The following PHF14 variants were observed in gnomAD, a reference collection of about 807,000 sequenced individuals.
PHF14 encodes PHD finger protein 14.
Under a neutral mutation model 117.9 loss-of-function variants are expected in PHF14, and 55 were observed. That is an observed-to-expected ratio of 0.47 (90% CI 0.38 to 0.58). PHF14 has a LOEUF of 0.58. PHF14 is among the 20% of genes least tolerant of loss of function. The probability of loss-of-function intolerance (pLI) is 0.00; values close to 1 mark genes in which losing one functional copy is unlikely to be tolerated. For synonymous variants in PHF14, 409 were observed against 368.6 expected (o/e 1.11, Z -1.26); for missense variants, 978 against 1,122.2 (o/e 0.87, Z 1.84).
Position 11,111,464 on chromosome 7 carries a change from C to T in PHF14, c.2769C>T (p.Ser923=). Residue 923 remains serine (S), a synonymous_variant, in exon 17 of 18, where the codon TCC becomes TCT. Transcript: ENST00000634607. ...GTCAGGAATGTGATTCTTCATCTTC[C>T]AAGGTAAGGGGAGAAGTCTATAAGA... The part of the protein sequence containing the change: ...WICQECDSSS[S]KEDENEAERK... 1 of 1,493,434 alleles carries T rather than the reference C, an allele frequency of 6.7e-7. No individual in the cohort carries two copies. Among genetic ancestry groups the T allele is most frequent in the Non-Finnish European group, 9.3e-7 (1 of 1,075,176 alleles). The allele number at this position is 1,493,434 out of a possible 1,614,324, so 92.5% of individuals were successfully genotyped here. A position where few individuals can be genotyped will look rare whatever the true frequency, so the allele number is the denominator to read the frequency against.
At chr7:10,976,040 C>T (rs2128306644) in intron 2 of PHF14, among the ~76,000 whole-genome samples, 1 of 152,296 alleles carries the variant, frequency 6.6e-6, no homozygotes, top group East Asian at 1.9e-4. Context: ...TACCATTTTA[C>T]AGGTAACAGG....
intron 17 of PHF14, among the ~76,000 whole-genome samples, chr7:11,136,297 G>A (rs1788218995): frequency 6.6e-6 from 1 of 152,040 alleles, no homozygotes; most frequent in Non-Finnish European, 1.5e-5. Context: ...TTTTCAAGAT[G>A]CAAACTGAAG....
chr7:11,099,071 T>C (rs1174304392), intron 16 of PHF14, among the ~76,000 whole-genome samples: 1 of 152,154 alleles, frequency 6.6e-6, no homozygotes, highest in Non-Finnish European at 1.5e-5. Flanking sequence ...ATATTCATAT[T>C]TGGATAATGA....
At chr7:11,086,813 T>C (rs987423286) in intron 16 of PHF14, among the ~76,000 whole-genome samples, 1 of 152,210 alleles carries the variant, frequency 6.6e-6, no homozygotes, top group Non-Finnish European at 1.5e-5. Flanking sequence ...GTAATTTAAT[T>C]CATTGTTTTC....
At chr7:11,024,132 G>T (rs1783829746) in intron 6 of PHF14, among the ~76,000 whole-genome samples, 1 of 152,072 alleles carries the variant, frequency 6.6e-6, no homozygotes, top group South Asian at 2.1e-4. Context: ...TTAATAGTAG[G>T]GATAGATCAT....
chr7:11,148,813 A>AATTT (rs1188665269), intron 17 of PHF14, among the ~76,000 whole-genome samples: 1 of 152,208 alleles, frequency 6.6e-6, no homozygotes, highest in East Asian at 1.9e-4. Flanking sequence ...TTAGAAGAAA[A>AATTT]AGCGCTTTCA....
At chr7:11,132,238 G>A (rs1788110011) in intron 17 of PHF14, among the ~76,000 whole-genome samples, 1 of 149,754 alleles carries the variant, frequency 6.7e-6, no homozygotes, top group Non-Finnish European at 1.5e-5. Context: ...TACATCCTCT[G>A]ACCTCTACTT....
At chr7:11,123,344 G>A (rs1049189756) in intron 17 of PHF14, among the ~76,000 whole-genome samples, 2 of 152,050 alleles carry the variant, frequency 1.3e-5, no homozygotes, top group Non-Finnish European at 1.5e-5. Flanking sequence ...TCCTCTTATA[G>A]TCTCCTTTTA....
chr7:11,045,605 G>C (rs1784637768), intron 13 of PHF14, among the ~76,000 whole-genome samples: 1 of 152,126 alleles, frequency 6.6e-6, no homozygotes, highest in Admixed American at 6.6e-5. Flanking sequence ...TGTTTTCAAG[G>C]AGACACTAGT....
Position 11,013,736 on chromosome 7 carries a change from G to GTT in PHF14, c.1046-4_1046-3dup. 1.4e-6 allele frequency: 2 copies of GTT among 1,463,992 alleles called. No homozygotes were observed. Among genetic ancestry groups the GTT allele is most frequent in the Non-Finnish European group, 9.3e-7 (1 of 1,078,088 alleles). The allele number at this position is 1,463,992 out of a possible 1,614,324, so 90.7% of individuals were successfully genotyped here. A position where few individuals can be genotyped will look rare whatever the true frequency, so the allele number is the denominator to read the frequency against. ...AACCCTATTTAATCATAGTGTTTTT[G>GTT]TTTTTTTTAGGTTGTTATGGAGTTG... On this transcript the variant is annotated splice_polypyrimidine_tract_variant and intron_variant, in intron 4 of 17. Coordinates refer to ENST00000634607, the MANE Select transcript of PHF14 (RefSeq NM_001007157.2).
intron 16 of PHF14, among the ~76,000 whole-genome samples, chr7:11,077,637 A>G (rs1162871562): frequency 1.3e-5 from 2 of 150,466 alleles, no homozygotes; most frequent in African/African-American, 4.9e-5. Flanking sequence ...ATTCAAGCAC[A>G]CTGTATTTGC....
chr7:11,142,437 G>A (rs1460496816), intron 17 of PHF14, among the ~76,000 whole-genome samples: 2 of 151,946 alleles, frequency 1.3e-5, no homozygotes, highest in African/African-American at 4.8e-5. Context: ...AATAGAATAA[G>A]TCTGAAGTAT....
At chr7:11,045,304 T>A (rs1784627978) in intron 13 of PHF14, among the ~76,000 whole-genome samples, 2 of 152,118 alleles carry the variant, frequency 1.3e-5, no homozygotes, top group South Asian at 4.1e-4. Context: ...TGATCAAATT[T>A]CCTTTGATCA....
At chr7:10,980,120 G>A (rs898728880) in intron 2 of PHF14, among the ~76,000 whole-genome samples, 7 of 152,060 alleles carry the variant, frequency 4.6e-5, no homozygotes, top group Non-Finnish European at 8.8e-5. Flanking sequence ...CTGACATTTT[G>A]TAAAATTTAC....
At chr7:11,004,673 G>C (rs1477914201) in intron 4 of PHF14, among the ~76,000 whole-genome samples, 1 of 150,638 alleles carries the variant, frequency 6.6e-6, no homozygotes, top group Non-Finnish European at 1.5e-5. Context: ...ATTAGATTCA[G>C]TTTAAATTTT....
chr7:11,020,879 A>G (rs554026334), intron 5 of PHF14, among the ~76,000 whole-genome samples: 1 of 152,294 alleles, frequency 6.6e-6, no homozygotes, highest in Non-Finnish European at 1.5e-5. Flanking sequence ...ACAGTGAGCC[A>G]CACTCTGCTG....
At chr7:11,110,755 G>A (rs184480652) in intron 16 of PHF14, among the ~76,000 whole-genome samples, 4 of 152,048 alleles carry the variant, frequency 2.6e-5, no homozygotes, top group Admixed American at 2.0e-4. Context: ...ACATGTAAAG[G>A]TTATTTTTAT....
At chr7:11,137,154 C>G (rs929277001) in intron 17 of PHF14, among the ~76,000 whole-genome samples, 1 of 152,290 alleles carries the variant, frequency 6.6e-6, no homozygotes, top group Non-Finnish European at 1.5e-5. Context: ...GGGTATCACA[C>G]AAGCATTACT....
At chr7:11,135,765 C>G (rs1018795834) in intron 17 of PHF14, among the ~76,000 whole-genome samples, 1 of 152,120 alleles carries the variant, frequency 6.6e-6, no homozygotes, top group Non-Finnish European at 1.5e-5. Flanking sequence ...CATTTTCCTT[C>G]TACCTCAGGC....
Sources: allele counts gnomAD v4.1 joint callset (sites outside exome capture counted in the v4.1 genomes callset), GRCh38; gene constraint gnomAD v4.1.1; transcripts MANE v1.5; gene names NCBI Gene and HGNC (gene_info 2026-07-23, HGNC 2026-07-21).